CUX1: variants seen among roughly 807,000 people sequenced by gnomAD.
CUX1 encodes cut like homeobox 1.
Under a neutral mutation model 158.8 loss-of-function variants are expected in CUX1, and 31 were observed. The ratio of observed to expected loss-of-function variants is 0.20; its 90% confidence interval spans 0.15 to 0.26. CUX1 has a LOEUF of 0.26. Among genes scored for constraint, CUX1 ranks in the 10% least tolerant of loss-of-function variants. The pLI is 1.00. For synonymous variants in CUX1, 879 were observed against 862.1 expected, an observed-to-expected ratio of 1.02 and a Z score of -0.34; for missense variants, 1,589 against 2,014.6, an observed-to-expected ratio of 0.79 and a Z score of 4.04.
chr7:102,037,642 A>G (rs954915632), intron 3 of CUX1, among the ~76,000 whole-genome samples: 5 of 150,100 alleles, frequency 3.3e-5, no homozygotes, highest in African/African-American at 1.2e-4. Context: ...GTGAGCCACC[A>G]CGCCCGGCCC....
intron 1 of CUX1, among the ~76,000 whole-genome samples, chr7:101,904,494 G>T (rs1215728115): frequency 6.6e-6 from 1 of 151,934 alleles, no homozygotes; most frequent in Non-Finnish European, 1.5e-5. Flanking sequence ...TTCCGTGATT[G>T]GGAGTTAATA....
At chr7:101,895,355 C>G (rs1204469256) in intron 1 of CUX1, among the ~76,000 whole-genome samples, 1 of 152,076 alleles carries the variant, frequency 6.6e-6, no homozygotes, top group African/African-American at 2.4e-5. Flanking sequence ...CCCATTGTAG[C>G]CACAGTTGGA....
At chr7:101,943,540 C>T (rs977585183) in intron 2 of CUX1, among the ~76,000 whole-genome samples, 3 of 152,154 alleles carry the variant, frequency 2.0e-5, no homozygotes, top group East Asian at 1.9e-4. Flanking sequence ...TCTTGGTGTT[C>T]GCTCTCAAAT....
At position 102,234,039 on chromosome 7, in the gene CUX1, GT is replaced by G; in HGVS notation, c.3434-9del. 1 of 1,463,382 alleles carries G rather than the reference GT, an allele frequency of 6.8e-7. No individual in the cohort carries two copies. The highest frequency in any genetic ancestry group is 1.5e-5 in the African/African-American group (1 of 68,748). 90.6% of individuals were successfully genotyped at this position (1,463,382 alleles called of 1,614,324 possible). A position where few individuals can be genotyped will look rare whatever the true frequency, so the allele number is the denominator to read the frequency against. On this transcript the variant is annotated splice_polypyrimidine_tract_variant and intron_variant, in intron 21 of 23. Transcript: ENST00000292535. ...CGGTGACAATACCTGTCTTGCTTCT[GT>G]TTTCTCTCTAGGCCAGCGCTTATTT... is the stretch of plus-strand genomic sequence containing the variant.
At chr7:101,948,442 A>G (rs1231047540) in intron 2 of CUX1, among the ~76,000 whole-genome samples, 1 of 152,106 alleles carries the variant, frequency 6.6e-6, no homozygotes, top group Non-Finnish European at 1.5e-5. Flanking sequence ...GTGCCTCGGG[A>G]TTTTATAATA....
chr7:102,252,565 A>G lies in CUX1; in HGVS notation c.*3523A>G. The G allele has an allele frequency of 1.0e-6, 1 of 985,472 alleles. No homozygotes were observed. The highest frequency in any genetic ancestry group is 1.2e-6 in the Non-Finnish European group (1 of 829,936). The allele number at this position is 985,472 out of a possible 1,614,324, so 61.0% of individuals were successfully genotyped here. A position where few individuals can be genotyped will look rare whatever the true frequency, so the allele number is the denominator to read the frequency against. ...AACTTAAGGCTTTTGCCATTAACTTAGCTGGCTAAGCAGAGGCTCGGGGTA... is the reference window on the plus strand; with the variant it reads ...AACTTAAGGCTTTTGCCATTAACTTGGCTGGCTAAGCAGAGGCTCGGGGTA... On this transcript the variant is annotated 3_prime_UTR_variant, in exon 24 of 24. Transcript: ENST00000292535.
intron 2 of CUX1, among the ~76,000 whole-genome samples, chr7:102,003,692 G>A (rs1024570454): frequency 9.2e-5 from 14 of 152,176 alleles, no homozygotes; most frequent in Non-Finnish European, 1.5e-4. Context: ...TTGCAGCCTC[G>A]TAGGTTGCTA....
chr7:101,823,423 A>G (rs113929450), intron 1 of CUX1, among the ~76,000 whole-genome samples: 3 of 152,330 alleles, frequency 2.0e-5, no homozygotes, highest in Admixed American at 2.0e-4. Flanking sequence ...AATGAGCCCA[A>G]TAAGGGGTCC....
intron 2 of CUX1, among the ~76,000 whole-genome samples, chr7:101,974,341 CCT>C (rs1220420295): frequency 3.3e-5 from 5 of 152,144 alleles, no homozygotes; most frequent in African/African-American, 4.8e-5. Flanking sequence ...CTAGTTTTAT[CCT>C]CTCTGTGTCT....
At chr7:102,280,056 C>T (rs370290068) in exon 19 of CUX1, 5 of 1,609,260 alleles carry the variant, frequency 3.1e-6, no homozygotes, top group South Asian at 1.1e-5. Context: ...AGTGATGACA[C>T]GGAGCTGCGG....
At chr7:102,236,303 G>A (rs1295084839) in intron 22 of CUX1, among the ~76,000 whole-genome samples, 3 of 152,238 alleles carry the variant, frequency 2.0e-5, no homozygotes, top group Non-Finnish European at 2.9e-5. Context: ...CCCCTCTAGC[G>A]AGCTCTGGCC....
rs554252663 is a variant in CUX1 at position 101,990,417 on chromosome 7, C to T, written c.142-37681C>T. ...TTTGTTTTTTTGAGATGGAATCTCA[C>T]CCAGGCTGGAGTGCAGTGGTGAGAT... is the stretch of plus-strand genomic sequence containing the variant. On this transcript the variant is annotated intron_variant, in intron 2 of 23. Coordinates refer to ENST00000292535, the MANE Select transcript of CUX1 (RefSeq NM_181552.4). Among the ~76,000 whole-genome samples, 11 of 151,790 alleles carry T rather than the reference C, an allele frequency of 7.2e-5. No individual in the cohort carries two copies. The South Asian group carries it at 2.3e-3, about 32-fold the overall frequency.
chr7:101,972,735 C>T (rs1485305240), intron 2 of CUX1, among the ~76,000 whole-genome samples: 1 of 152,204 alleles, frequency 6.6e-6, no homozygotes, highest in Non-Finnish European at 1.5e-5. Flanking sequence ...TCCTCCAGGC[C>T]AGGCCGCCAT....
intron 3 of CUX1, among the ~76,000 whole-genome samples, chr7:102,052,839 G>A (rs948546173): frequency 4.1e-4 from 62 of 152,064 alleles, no homozygotes; most frequent in Non-Finnish European, 1.3e-4. Context: ...ACAGGGTCTC[G>A]CTCTCTTGCC....
At position 102,250,939 on chromosome 7, in the gene CUX1, T is replaced by G. The variant is rs1385050995; in HGVS notation, c.*1897T>G. The stretch of plus-strand genomic sequence containing the variant: ...TTAGACTTCTTTATTGCCATATCTT[T>G]AAACTAACAATAGATGATTTCGGTA... On this transcript the variant is annotated 3_prime_UTR_variant, in exon 24 of 24. Transcript: ENST00000292535. 4.1e-6 allele frequency: 4 copies of G among 976,080 alleles called. No homozygotes were observed. The Admixed American group carries it at 2.5e-4, about 60-fold the overall frequency. 60.5% of individuals were successfully genotyped at this position (976,080 alleles called of 1,614,324 possible). A position where few individuals can be genotyped will look rare whatever the true frequency, so the allele number is the denominator to read the frequency against.
At position 102,248,493 on chromosome 7, in the gene CUX1, G is replaced by C. The variant is rs782601198; in HGVS notation, c.3969G>C (p.Ser1323=). 1.1e-5 allele frequency: 17 copies of C among 1,571,304 alleles called. No individual in the cohort carries two copies. In the Admixed American group the frequency reaches 2.2e-4, roughly 20 times the overall value. The change falls in exon 24 of 24, where the codon TCG becomes TCC. Residue 1323 remains serine (S), a synonymous_variant. Transcript: ENST00000292535. This position sits in a 1 kb window ranked among gnomAD's most constrained non-coding sequence, Gnocchi z 5.8. Reference sequence around the variant, plus strand: ...AGGCGGGCGCCAGCGACTCACCCTCGGCCCGCAGCGGCCGGGCGGCGCCCA... The same window carrying C: ...AGGCGGGCGCCAGCGACTCACCCTCCGCCCGCAGCGGCCGGGCGGCGCCCA... The part of the protein sequence containing the change: ...QGQAGASDSP[S]ARSGRAAPSS...
intron 23 of CUX1, among the ~76,000 whole-genome samples, chr7:102,245,066 A>G (rs1800659404): frequency 6.6e-6 from 1 of 152,152 alleles, no homozygotes; most frequent in African/African-American, 2.4e-5. Flanking sequence ...TTTTTGAGAA[A>G]GGGTCTCGCT....
chr7:101,817,404 C>T (rs1791972207), upstream of CUX1: 1 of 984,518 alleles, frequency 1.0e-6, no homozygotes, highest in African/African-American at 1.8e-5. This position sits in a 1 kb window ranked among gnomAD's most constrained non-coding sequence, Gnocchi z 4.1. Flanking sequence ...AGCAGAGCCC[C>T]GGGGGCCCGT....
chr7:102,244,175 C>T (rs1457759364), intron 23 of CUX1, among the ~76,000 whole-genome samples: 4 of 152,190 alleles, frequency 2.6e-5, no homozygotes, highest in African/African-American at 9.7e-5. Context: ...TTATACCCGA[C>T]AGAGCTTCCC....
Sources: allele counts gnomAD v4.1 joint callset (sites outside exome capture counted in the v4.1 genomes callset), GRCh38; gene constraint gnomAD v4.1.1; non-coding constraint Gnocchi (gnomAD v3.1); transcripts MANE v1.5; gene names NCBI Gene and HGNC (gene_info 2026-07-23, HGNC 2026-07-21).